The following ATG10 variants were observed in gnomAD, a reference collection of about 807,000 sequenced individuals.
ATG10 encodes the protein autophagy related 10.
Under a neutral mutation model 32.1 loss-of-function variants are expected in ATG10, and 30 were observed. That is an observed-to-expected ratio of 0.94 (90% CI 0.70 to 1.27). The LOEUF (loss-of-function observed/expected upper bound fraction) is 1.27. Among genes scored for constraint, ATG10 ranks in the 50% most tolerant of loss-of-function variants. ATG10 has a pLI of 0.00. For synonymous variants in ATG10, 87 were observed against 91.5 expected (o/e 0.95, Z 0.28); for missense variants, 233 against 262.3 (o/e 0.89, Z 0.77).
rs532841286 is a variant in ATG10, at chr5:82,026,343, G to A, written c.109-32152G>A. Among the ~76,000 whole-genome samples the A allele has an allele frequency of 4.8e-4, 73 of 152,180 alleles. No homozygotes were observed. The South Asian group carries it at 0.015, about 32-fold the overall frequency. On this transcript the variant is annotated intron_variant, in intron 2 of 7. Transcript: ENST00000282185. Reference sequence around the variant, plus strand: ...TTCTTTTTTAAGATCGAATAATATTGTATATACGTGCCGCATTTTGTTTAT... The same window carrying A: ...TTCTTTTTTAAGATCGAATAATATTATATATACGTGCCGCATTTTGTTTAT...
At chr5:82,199,546 A>T (rs1218029524) in intron 5 of ATG10, among the ~76,000 whole-genome samples, 1 of 152,172 alleles carries the variant, frequency 6.6e-6, no homozygotes, top group Non-Finnish European at 1.5e-5. Flanking sequence ...ATTTTACCTG[A>T]TATCAATATA....
At chr5:82,239,347 C>G (rs926331318) in intron 5 of ATG10, among the ~76,000 whole-genome samples, 1 of 152,094 alleles carries the variant, frequency 6.6e-6, no homozygotes, top group Non-Finnish European at 1.5e-5. Context: ...TATTGAGTAC[C>G]TACTAGATGA....
chr5:82,193,594 C>T (rs930297598), intron 5 of ATG10, among the ~76,000 whole-genome samples: 7 of 152,164 alleles, frequency 4.6e-5, no homozygotes, highest in African/African-American at 7.2e-5. Flanking sequence ...GCTTTCCCTC[C>T]CCTACCTCTA....
chr5:82,003,051 G>A (rs1357678797), intron 2 of ATG10, among the ~76,000 whole-genome samples: 1 of 152,140 alleles, frequency 6.6e-6, no homozygotes, highest in Non-Finnish European at 1.5e-5. Context: ...GAAATTGTAA[G>A]CTTTAAAAAA....
At chr5:82,193,512 G>T (rs1008767850) in intron 5 of ATG10, among the ~76,000 whole-genome samples, 1 of 152,196 alleles carries the variant, frequency 6.6e-6, no homozygotes, top group African/African-American at 2.4e-5. Context: ...CTCTACTGGA[G>T]GATAGTCAGA....
At chr5:82,171,367 G>C (rs1391798081) in intron 4 of ATG10, among the ~76,000 whole-genome samples, 2 of 152,132 alleles carry the variant, frequency 1.3e-5, no homozygotes, top group Non-Finnish European at 2.9e-5. Flanking sequence ...AAGACTGCTA[G>C]ACAAATATAT....
chr5:82,184,099 G>A (rs1744354055), intron 5 of ATG10, among the ~76,000 whole-genome samples: 1 of 152,140 alleles, frequency 6.6e-6, no homozygotes. Flanking sequence ...TGGTTCCTTT[G>A]GGAAATGGTA....
At chr5:82,103,056 T>G in intron 3 of ATG10, among the ~76,000 whole-genome samples, 1 of 152,166 alleles carries the variant, frequency 6.6e-6, no homozygotes, top group East Asian at 1.9e-4. Context: ...TCCTTCCATC[T>G]TCCCAACTCA....
At chr5:82,098,643 G>T (rs1347907381) in intron 3 of ATG10, among the ~76,000 whole-genome samples, 3 of 152,114 alleles carry the variant, frequency 2.0e-5, no homozygotes, top group Non-Finnish European at 4.4e-5. Context: ...AAACAAAGGG[G>T]TTATCGTTTA....
intron 5 of ATG10, among the ~76,000 whole-genome samples, chr5:82,182,559 T>A (rs1049226551): frequency 6.6e-6 from 1 of 152,168 alleles, no homozygotes; most frequent in Admixed American, 6.6e-5. Flanking sequence ...CAATTATTGA[T>A]ATACTCAGCA....
chr5:82,228,377 C>T (rs1329175972), intron 5 of ATG10, among the ~76,000 whole-genome samples: 1 of 152,038 alleles, frequency 6.6e-6, no homozygotes, highest in Admixed American at 6.6e-5. Context: ...TATGACAACT[C>T]AATCAGACAT....
intron 3 of ATG10, among the ~76,000 whole-genome samples, chr5:82,139,640 G>A (rs1766967656): frequency 1.5e-5 from 2 of 133,258 alleles, no homozygotes; most frequent in Admixed American, 7.2e-5. Context: ...GAGCGTCTCC[G>A]CCCAGCAGCC....
intron 5 of ATG10, among the ~76,000 whole-genome samples, chr5:82,251,217 A>C (rs1747242031): frequency 1.3e-5 from 2 of 152,218 alleles, no homozygotes; most frequent in Admixed American, 1.3e-4. Flanking sequence ...GGATATGTGC[A>C]TAAGCATACA....
chr5:82,163,854 A>G (rs751141208), intron 3 of ATG10, among the ~76,000 whole-genome samples: 1 of 152,246 alleles, frequency 6.6e-6, no homozygotes, highest in Non-Finnish European at 1.5e-5. Flanking sequence ...TAGCACAATA[A>G]TGAAGAAAAC....
intron 5 of ATG10, among the ~76,000 whole-genome samples, chr5:82,180,265 T>G (rs1216509028): frequency 1.3e-5 from 2 of 152,168 alleles, no homozygotes; most frequent in Non-Finnish European, 2.9e-5. Flanking sequence ...CTCTCTATAC[T>G]CCTCTTGTGC....
intron 1 of ATG10, among the ~76,000 whole-genome samples, chr5:81,987,126 T>C (rs565158232): frequency 3.4e-4 from 52 of 152,154 alleles, no homozygotes; most frequent in African/African-American, 1.1e-3. Context: ...ACAAAAATAC[T>C]TTTTTATTTT....
intron 3 of ATG10, among the ~76,000 whole-genome samples, chr5:82,135,834 C>T (rs929175023): frequency 6.6e-6 from 1 of 151,766 alleles, no homozygotes; most frequent in Non-Finnish European, 1.5e-5. Flanking sequence ...AAGTCTCCCA[C>T]TATTATTGTG....
intron 2 of ATG10, among the ~76,000 whole-genome samples, chr5:81,990,567 A>G (rs1353499459): frequency 6.6e-6 from 1 of 152,204 alleles, no homozygotes; most frequent in East Asian, 1.9e-4. Context: ...ACCAGTTTTC[A>G]GGATTTGTTT....
chr5:82,037,067 G>C (rs1762944945), intron 2 of ATG10, among the ~76,000 whole-genome samples: 1 of 131,134 alleles, frequency 7.6e-6, no homozygotes. Flanking sequence ...GGAGTCGGAG[G>C]TTCCAGTGAG....
Sources: allele counts gnomAD v4.1 joint callset (sites outside exome capture counted in the v4.1 genomes callset), GRCh38; gene constraint gnomAD v4.1.1; transcripts MANE v1.5; gene names NCBI Gene and HGNC (gene_info 2026-07-23, HGNC 2026-07-21).